The following NAALADL2 variants were observed in gnomAD, a reference collection of about 807,000 sequenced individuals.
NAALADL2 encodes N-acetylated alpha-linked acidic dipeptidase like 2.
In NAALADL2, 76 loss-of-function variants were observed where a neutral mutation model predicts 87.2. The observed-to-expected ratio is 0.87, with a 90% confidence interval of 0.72 to 1.05. The LOEUF (loss-of-function observed/expected upper bound fraction) is 1.05. NAALADL2 is among the 50% of genes least tolerant of loss of function. The pLI, the probability that NAALADL2 is intolerant of heterozygous loss-of-function variation, is 0.00. For synonymous variants in NAALADL2, 354 were observed against 331.0 expected (o/e 1.07, Z -0.75); for missense variants, 1,089 against 945.8 (o/e 1.15, Z -1.99).
intron 2 of NAALADL2, among the ~76,000 whole-genome samples, chr3:175,139,135 G>A (rs1729612783): frequency 6.6e-6 from 1 of 151,054 alleles, no homozygotes; most frequent in African/African-American, 2.4e-5. Flanking sequence ...ATCTCCAGGT[G>A]GAAATTAGAT....
intron 3 of NAALADL2, among the ~76,000 whole-genome samples, chr3:174,821,681 G>T (rs950221048): frequency 1.4e-4 from 21 of 152,244 alleles, no homozygotes; most frequent in African/African-American, 5.1e-4. Flanking sequence ...GACTTCAGAA[G>T]CTTATGGTAG....
At chr3:175,702,590 A>G (rs886600538) in intron 11 of NAALADL2, among the ~76,000 whole-genome samples, 1 of 152,180 alleles carries the variant, frequency 6.6e-6, no homozygotes, top group Admixed American at 6.5e-5. Context: ...TTTGCTTCTC[A>G]GTTATAGTCC....
chr3:175,201,261 G>GA lies in NAALADL2; in HGVS notation c.546-32669dup, dbSNP rs1739978508. 2.0e-5 allele frequency among the ~76,000 whole-genome samples: 3 copies of GA among 152,232 alleles called. No homozygotes were observed. The South Asian group carries it at 6.2e-4, about 32-fold the overall frequency. ...GAAAACCACCACCACAAGAAGAGTA[G>GA]ATATCTGGTTGATGAAAACATGTCA... On this transcript the variant is annotated intron_variant, in intron 2 of 13. Transcript: ENST00000454872.
At chr3:174,849,129 G>C (rs1313494936) in intron 3 of NAALADL2, among the ~76,000 whole-genome samples, 1 of 152,174 alleles carries the variant, frequency 6.6e-6, no homozygotes, top group African/African-American at 2.4e-5. Flanking sequence ...GTCAGTAAGT[G>C]TGTGGTGAGT....
chr3:174,504,524 C>G (rs1177748890), intron 1 of NAALADL2, among the ~76,000 whole-genome samples: 1 of 152,070 alleles, frequency 6.6e-6, no homozygotes, highest in Admixed American at 6.6e-5. Context: ...AGACTTGTCT[C>G]TAGGCCTCCA....
intron 1 of NAALADL2, among the ~76,000 whole-genome samples, chr3:174,506,618 A>T (rs1671994960): frequency 6.6e-6 from 1 of 152,318 alleles, no homozygotes; most frequent in South Asian, 2.1e-4. Flanking sequence ...TTATAGAATA[A>T]ATTTTAAAAT....
At chr3:174,576,060 G>A (rs1261098257) in intron 2 of NAALADL2, among the ~76,000 whole-genome samples, 1 of 151,844 alleles carries the variant, frequency 6.6e-6, no homozygotes, top group Non-Finnish European at 1.5e-5. Flanking sequence ...ACAGGGCTTT[G>A]CCATGTTGGT....
chr3:175,422,376 A>T (rs928937115), intron 5 of NAALADL2, among the ~76,000 whole-genome samples: 4 of 152,138 alleles, frequency 2.6e-5, no homozygotes, highest in African/African-American at 9.7e-5. Context: ...CCAGAAATGC[A>T]TGAAATAGAT....
At position 174,609,900 on chromosome 3, in the gene NAALADL2, C is replaced by G. The variant is rs536363640; in HGVS notation, c.-115+59263C>G. ...AACAAAGCTGGAGGCATCATGCTAC[C>G]TGACTTCAAACTATACTACAAGGCT... On this transcript the variant is annotated intron_variant, in intron 2 of 3. Coordinates refer to the NAALADL2 transcript ENST00000434257. Among the ~76,000 whole-genome samples the G allele has an allele frequency of 5.7e-3, 872 of 152,212 alleles. 11 individuals are homozygous for G. The highest frequency in any genetic ancestry group is 0.02 in the African/African-American group (822 of 41,528).
intron 1 of NAALADL2, among the ~76,000 whole-genome samples, chr3:174,442,325 C>G (rs925971919): frequency 6.6e-5 from 10 of 152,016 alleles, no homozygotes; most frequent in African/African-American, 2.4e-4. Context: ...TCCCACACCC[C>G]AAGAATTCTT....
chr3:175,311,526 C>T (rs762670247), intron 4 of NAALADL2, among the ~76,000 whole-genome samples: 1 of 152,030 alleles, frequency 6.6e-6, no homozygotes, highest in Non-Finnish European at 1.5e-5. Flanking sequence ...TTTGAGGCCA[C>T]AATGGGAAAT....
chr3:174,785,012 T>C (rs1005460595), intron 3 of NAALADL2, among the ~76,000 whole-genome samples: 1 of 152,206 alleles, frequency 6.6e-6, no homozygotes, highest in African/African-American at 2.4e-5. Context: ...AATTTAATTT[T>C]TAATTTTGTT....
intron 1 of NAALADL2, among the ~76,000 whole-genome samples, chr3:174,446,010 C>T (rs1201070020): frequency 6.6e-6 from 1 of 152,122 alleles, no homozygotes; most frequent in Non-Finnish European, 1.5e-5. Context: ...ATATTGATGT[C>T]AGACAAAATT....
intron 2 of NAALADL2, among the ~76,000 whole-genome samples, chr3:174,704,827 T>G (rs1344522094): frequency 2.0e-5 from 3 of 152,154 alleles, no homozygotes; most frequent in Non-Finnish European, 4.4e-5. Context: ...TCTTTAAAAC[T>G]GTGACTTTAA....
chr3:175,474,066 C>T (rs979577912), intron 9 of NAALADL2, among the ~76,000 whole-genome samples: 2 of 152,068 alleles, frequency 1.3e-5, no homozygotes, highest in African/African-American at 4.8e-5. Context: ...ATGCCAATAT[C>T]TGTTTTTTAA....
At chr3:175,274,267 G>A (rs2110034553) in intron 4 of NAALADL2, among the ~76,000 whole-genome samples, 1 of 152,236 alleles carries the variant, frequency 6.6e-6, no homozygotes, top group African/African-American at 2.4e-5. Flanking sequence ...CATGAGAACA[G>A]CATGGGAAAA....
chr3:175,342,981 G>T (rs1762719024), intron 5 of NAALADL2, among the ~76,000 whole-genome samples: 1 of 151,942 alleles, frequency 6.6e-6, no homozygotes, highest in Admixed American at 6.6e-5. Context: ...ACCCCAGATT[G>T]AACAATAGTT....
rs141803409 is a variant in NAALADL2, at chr3:174,823,639, C to T, written c.-9+85893C>T. Among the ~76,000 whole-genome samples, 145 of 152,298 alleles carry T rather than the reference C, an allele frequency of 9.5e-4. 1 individual carries two copies. The highest frequency in any genetic ancestry group is 5.2e-3 in the South Asian group (25 of 4,828). On this transcript the variant is annotated intron_variant, in intron 3 of 3. Coordinates refer to the NAALADL2 transcript ENST00000434257. ...ACAATTTCATTCTTTTATGCCCTTG[C>T]TCCTCTTTATTATAAGGAAAGAAAA... is the stretch of plus-strand genomic sequence containing the variant.
intron 1 of NAALADL2, among the ~76,000 whole-genome samples, chr3:174,966,538 T>G (rs1401352161): frequency 6.6e-6 from 1 of 152,094 alleles, no homozygotes; most frequent in East Asian, 1.9e-4. Context: ...ATCTCTTGAC[T>G]TCGATGTAAG....
Sources: allele counts gnomAD v4.1 joint callset (sites outside exome capture counted in the v4.1 genomes callset), GRCh38; gene constraint gnomAD v4.1.1; transcripts MANE v1.5; gene names NCBI Gene and HGNC (gene_info 2026-07-23, HGNC 2026-07-21).